The following SYCP1 variants were observed in gnomAD, a reference collection of about 807,000 sequenced individuals.
The protein encoded by SYCP1 is synaptonemal complex protein 1.
SYCP1 carries 64 observed loss-of-function variants against 153.1 expected under a neutral mutation model. That is an observed-to-expected ratio of 0.42 (90% CI 0.34 to 0.51). SYCP1 has a LOEUF of 0.51. Among genes scored for constraint, SYCP1 ranks in the 20% least tolerant of loss-of-function variants. SYCP1 has a pLI of 0.06. For synonymous variants in SYCP1, 384 were observed against 341.8 expected (o/e 1.12, Z -1.36); for missense variants, 997 against 1,049.0 (o/e 0.95, Z 0.68).
At chr1:114,869,281 C>A (rs962774996) in intron 8 of SYCP1, among the ~76,000 whole-genome samples, 3 of 152,078 alleles carry the variant, frequency 2.0e-5, no homozygotes, top group African/African-American at 7.2e-5. Context: ...GAGATTTCTT[C>A]TTTGACTCAG....
chr1:114,927,879 G>A (rs980550595), intron 23 of SYCP1, among the ~76,000 whole-genome samples: 6 of 152,108 alleles, frequency 3.9e-5, no homozygotes, highest in African/African-American at 1.4e-4. Context: ...AGTGTGCAGT[G>A]GAGTGATCAC....
chr1:114,927,085 T>C (rs1669304977), intron 23 of SYCP1, among the ~76,000 whole-genome samples: 1 of 152,082 alleles, frequency 6.6e-6, no homozygotes. Flanking sequence ...TTTTGAATTA[T>C]GAATGGAAAA....
At chr1:114,926,414 C>A in intron 22 of SYCP1, 74 bp downstream of exon 22, 2 of 1,476,054 alleles carry the variant, frequency 1.4e-6, no homozygotes, top group Non-Finnish European at 1.8e-6. Flanking sequence ...AATGCTTTCC[C>A]TTCCTTTAGT....
chr1:114,886,310 GT>G lies in SYCP1; in HGVS notation c.1190+2del, dbSNP rs1360968307. On this transcript the variant is annotated splice_donor_variant, in intron 14 of 31. Transcript: ENST00000369522. LOFTEE classifies it high-confidence loss of function. ...AATTATTGAGAACAGAACAGCAAAG[GT>G]AAAATATTTATTATTTTTAATACAC... 1.3e-6 allele frequency: 2 copies of G among 1,506,840 alleles called. No homozygotes were observed. Among genetic ancestry groups the G allele is most frequent in the African/African-American group, 2.9e-5 (2 of 70,078 alleles). The allele number at this position is 1,506,840 out of a possible 1,614,324, so 93.3% of individuals were successfully genotyped here. A position where few individuals can be genotyped will look rare whatever the true frequency, so the allele number is the denominator to read the frequency against.
chr1:114,940,142 G>A (rs113516559), intron 23 of SYCP1, among the ~76,000 whole-genome samples: 35 of 152,162 alleles, frequency 2.3e-4, no homozygotes, highest in African/African-American at 6.3e-4. Context: ...TGTCACCCAC[G>A]CTGGAGTGCA....
chr1:114,925,744 A>C (rs1265435675), intron 21 of SYCP1, among the ~76,000 whole-genome samples: 1 of 152,184 alleles, frequency 6.6e-6, no homozygotes, highest in South Asian at 2.1e-4. Flanking sequence ...TTTATGTACA[A>C]GACAATTTAA....
At position 114,921,041 on chromosome 1, in the gene SYCP1, T is replaced by C. The variant is rs543046361; in HGVS notation, c.1719-2408T>C. Among the ~76,000 whole-genome samples, 4 of 152,126 alleles carry C rather than the reference T, an allele frequency of 2.6e-5. No individual in the cohort carries two copies. The South Asian group carries it at 8.3e-4, about 31-fold the overall frequency. ...TTTCGTTATTTGTTTTCTGGTTGTT[T>C]TGTGGTCTCTTCTTTCTTTCCTTCA... On this transcript the variant is annotated intron_variant, in intron 20 of 31. Coordinates refer to ENST00000369522, the MANE Select transcript of SYCP1 (RefSeq NM_003176.4).
chr1:114,933,039 A>G (rs994189019), intron 23 of SYCP1, among the ~76,000 whole-genome samples: 3 of 152,192 alleles, frequency 2.0e-5, no homozygotes, highest in African/African-American at 7.2e-5. Flanking sequence ...ACAGCTTTGA[A>G]GAGAGTAGTG....
intron 16 of SYCP1, among the ~76,000 whole-genome samples, chr1:114,897,047 G>C (rs360649): frequency 0.59 from 89,747 of 152,052 alleles, 26,849 homozygotes; most frequent in African/African-American, 0.66. Flanking sequence ...CAAGGCCCCA[G>C]CCTGTCCTCC....
intron 8 of SYCP1, among the ~76,000 whole-genome samples, chr1:114,865,999 C>T (rs1020976513): frequency 7.2e-5 from 11 of 152,138 alleles, no homozygotes; most frequent in Non-Finnish European, 7.4e-5. Flanking sequence ...CATGTCTTTT[C>T]ATCACTTGAT....
chr1:114,951,965 G>T (rs541618027), intron 27 of SYCP1, among the ~76,000 whole-genome samples: 21 of 152,266 alleles, frequency 1.4e-4, no homozygotes, highest in African/African-American at 4.8e-4. Flanking sequence ...TATATAGAAA[G>T]TTGGAAAGCA....
rs182685942 is a variant in SYCP1 at position 114,897,123 on chromosome 1, C to G, written c.1320+1614C>G. On this transcript the variant is annotated intron_variant, in intron 16 of 31. Coordinates refer to ENST00000369522, the MANE Select transcript of SYCP1 (RefSeq NM_003176.4). ...TTACTTGGAGACCTTTTTACCTTCT[C>G]CATTCTAAAGAAGTACATCTAACTG... Among the ~76,000 whole-genome samples the G allele has an allele frequency of 4.7e-4, 71 of 152,236 alleles. No individual in the cohort carries two copies. The East Asian group carries it at 0.01, about 22-fold the overall frequency.
Position 114,857,272 on chromosome 1 carries a change from G to C in SYCP1, c.234G>C (p.Glu78Asp), listed in dbSNP as rs12563933. Residue 78 changes from glutamate (E) to aspartate (D), a missense_variant, in exon 4 of 32, where the codon GAG becomes GAC. Around this residue, in one of 2 missense-constraint regions of SYCP1, gnomAD observed 285 missense variants for 366.1 expected, o/e 0.78. Coordinates refer to ENST00000369522, the MANE Select transcript of SYCP1 (RefSeq NM_003176.4). The part of the protein sequence containing the change: ...LQKVNFLPVL[E>D]QVGNSDCHYQ... ...AAGTTAATTTCTTGCCCGTGCTTGA[G>C]CAGGTCAGTTAAGCATAGTACATGT... is the stretch of plus-strand genomic sequence containing the variant. 6.2e-7 allele frequency: 1 copy of C among 1,603,134 alleles called. No homozygotes were observed. Among genetic ancestry groups the C allele is most frequent in the African/African-American group, 1.3e-5 (1 of 74,762 alleles).
intron 12 of SYCP1, among the ~76,000 whole-genome samples, chr1:114,879,628 T>C (rs549539704): frequency 6.6e-6 from 1 of 152,308 alleles, no homozygotes; most frequent in East Asian, 1.9e-4. Flanking sequence ...TTGCACATAA[T>C]ATGAGTTCAA....
chr1:114,978,771 T>A (rs1011725037), intron 28 of SYCP1, among the ~76,000 whole-genome samples: 4 of 151,644 alleles, frequency 2.6e-5, no homozygotes, highest in Non-Finnish European at 1.5e-5. Flanking sequence ...GAATACTGAG[T>A]GCTTTGTATG....
intron 16 of SYCP1, among the ~76,000 whole-genome samples, chr1:114,900,894 C>T (rs1667400052): frequency 6.6e-6 from 1 of 150,818 alleles, no homozygotes; most frequent in Non-Finnish European, 1.5e-5. Flanking sequence ...TAATTTAGTC[C>T]ACCTATTTAT....
rs1261032615 is a variant in SYCP1 at position 114,886,256 on chromosome 1, A to T, written c.1137A>T (p.Glu379Asp). Residue 379 changes from glutamate to aspartate, a missense_variant, in exon 14 of 32, where the codon GAA becomes GAT. Around this residue, in one of 2 missense-constraint regions of SYCP1, gnomAD observed 712 missense variants for 682.9 expected, o/e 1.04. Coordinates refer to ENST00000369522, the MANE Select transcript of SYCP1 (RefSeq NM_003176.4). The part of the protein sequence containing the change: ...ARAAHSFVVT[E>D]FETTVCSLEE... ...CTGCTCATTCGTTTGTGGTTACTGA[A>T]TTTGAAACTACTGTCTGCAGCTTGG... 6.2e-7 allele frequency: 1 copy of T among 1,606,980 alleles called. No individual in the cohort carries two copies. Among genetic ancestry groups the T allele is most frequent in the African/African-American group, 1.3e-5 (1 of 74,530 alleles).
intron 8 of SYCP1, among the ~76,000 whole-genome samples, chr1:114,869,769 C>G (rs1439315219): frequency 1.3e-5 from 2 of 152,080 alleles, no homozygotes; most frequent in African/African-American, 4.8e-5. Context: ...ATTAATTGTC[C>G]TGGTCCCAAA....
chr1:114,910,719 T>A (rs541820173), intron 17 of SYCP1, among the ~76,000 whole-genome samples: 1 of 152,192 alleles, frequency 6.6e-6, no homozygotes, highest in Non-Finnish European at 1.5e-5. Flanking sequence ...ATCAATATGA[T>A]GCATTATGCT....
Sources: allele counts gnomAD v4.1 joint callset (sites outside exome capture counted in the v4.1 genomes callset), GRCh38; gene constraint gnomAD v4.1.1; regional missense constraint gnomAD v4.1.1; transcripts MANE v1.5; gene names NCBI Gene and HGNC (gene_info 2026-07-23, HGNC 2026-07-21).